Variants in SEL1L observed in about 807,000 individuals in gnomAD.
The protein encoded by SEL1L is protein sel-1 homolog 1.
In SEL1L, 52 loss-of-function variants were observed where a neutral mutation model predicts 109.8. The ratio of observed to expected loss-of-function variants is 0.47; its 90% CI spans 0.38 to 0.60. SEL1L has a LOEUF of 0.60. Ranked by LOEUF, SEL1L falls within the 20% of genes least tolerant of loss-of-function variation. The pLI, the probability that SEL1L is intolerant of heterozygous loss-of-function variation, is 0.00. For synonymous variants in SEL1L, 373 were observed against 339.6 expected (o/e 1.10, Z -1.08); for missense variants, 749 against 962.2 (o/e 0.78, Z 2.93).
intron 15 of SEL1L, 142 bp downstream of exon 15, chr14:81,487,713 A>G: frequency 6.7e-7 from 1 of 1,500,800 alleles, no homozygotes; most frequent in Non-Finnish European, 8.8e-7. Context: ...AATGAAAAAC[A>G]AGATGTACAA....
intron 3 of SEL1L, among the ~76,000 whole-genome samples, chr14:81,515,639 C>T (rs1884670690): frequency 1.3e-5 from 2 of 152,156 alleles, no homozygotes; most frequent in Non-Finnish European, 2.9e-5. Flanking sequence ...TGATGTCCAC[C>T]ATAACTCAGG....
At chr14:81,501,531 C>T (rs765288349) in intron 6 of SEL1L, among the ~76,000 whole-genome samples, 2 of 151,738 alleles carry the variant, frequency 1.3e-5, no homozygotes, top group Non-Finnish European at 2.9e-5. Context: ...AATAAAATAC[C>T]GAGGAAAGAG....
intron 19 of SEL1L, among the ~76,000 whole-genome samples, chr14:81,483,577 GC>G (rs1903425003): frequency 6.6e-6 from 1 of 152,070 alleles, no homozygotes; most frequent in East Asian, 1.9e-4. Context: ...TAAAAAACTT[GC>G]TTGTATATTT....
intron 1 of SEL1L, among the ~76,000 whole-genome samples, chr14:81,532,855 TTTTA>T (rs1332501701): frequency 2.0e-5 from 3 of 152,212 alleles, no homozygotes; most frequent in African/African-American, 7.2e-5. Flanking sequence ...CTGTACTAAT[TTTTA>T]TTTATCAACA....
Position 81,506,130 on chromosome 14 carries a change from A to G in SEL1L, c.452T>C (p.Leu151Pro). The G allele has an allele frequency of 3.1e-6, 5 of 1,614,082 alleles. No homozygotes were observed. Among genetic ancestry groups the G allele is most frequent in the South Asian group, 1.1e-5 (1 of 91,064 alleles). The change falls in exon 4 of 21, where the codon CTG (leucine) becomes CCG (proline). Residue 151 changes from leucine to proline, a missense_variant. By Grantham distance (98) the Leu-to-Pro change is moderately conservative (BLOSUM62 -3). Around this residue, in one of 2 missense-constraint regions of SEL1L, gnomAD observed 366 missense variants for 399.8 expected, o/e 0.92. Coordinates refer to ENST00000336735, the MANE Select transcript of SEL1L (RefSeq NM_005065.6). ...GTAGTCATAGGTTGTAGCACACCAC[A>G]GTCTGCCATCTTCCCTCCCATCTGA... ...CTSDGREDGRLWCATTYDYKA... is the reference protein window; with the variant it reads ...CTSDGREDGRPWCATTYDYKA...
At chr14:81,482,877 G>A (rs1351819427) in intron 19 of SEL1L, among the ~76,000 whole-genome samples, 1 of 152,186 alleles carries the variant, frequency 6.6e-6, no homozygotes, top group Non-Finnish European at 1.5e-5. Context: ...AAGTGACACA[G>A]GAAGGAGTAT....
rs1378879165 is a variant in SEL1L at position 81,477,127 on chromosome 14, C to A, written c.2230G>T (p.Asp744Tyr). The change falls in exon 21 of 21, where the codon GAC (aspartate) becomes TAC (tyrosine). Residue 744 changes from aspartate to tyrosine, a missense_variant. Physicochemically the swap from Asp to Tyr is radical, Grantham distance 160. Transcript: ENST00000336735. Reference sequence around the variant, plus strand: ...GCAATGATGGTCATGAGGTAAAGGTCCCACTCAGGTCCCAAAAGCTGGTCC... The same window carrying A: ...GCAATGATGGTCATGAGGTAAAGGTACCACTCAGGTCCCAAAAGCTGGTCC... ...DMDQLLGPEWDLYLMTIIALL... is the reference protein window; with the variant it reads ...DMDQLLGPEWYLYLMTIIALL... The A allele has an allele frequency of 6.2e-7, 1 of 1,613,982 alleles. No homozygotes were observed. Among genetic ancestry groups the A allele is most frequent in the Non-Finnish European group, 8.5e-7 (1 of 1,180,036 alleles).
At chr14:81,488,582 C>T (rs983855206) in intron 14 of SEL1L, among the ~76,000 whole-genome samples, 1 of 152,094 alleles carries the variant, frequency 6.6e-6, no homozygotes, top group African/African-American at 2.4e-5. Flanking sequence ...GAAACTGCAA[C>T]GTGAATCCAG....
In SEL1L at chr14:81,499,465, C is replaced by G. The variant is rs1230003756; in HGVS notation, c.885G>C (p.Met295Ile). Residue 295 changes from methionine to isoleucine, a missense_variant, in exon 8 of 21, where the codon ATG (methionine) becomes ATC (isoleucine). Physicochemically the swap from Met to Ile is conservative, Grantham distance 10. Around this residue, in one of 2 missense-constraint regions of SEL1L, gnomAD observed 366 missense variants for 399.8 expected, o/e 0.92. Coordinates refer to ENST00000336735, the MANE Select transcript of SEL1L (RefSeq NM_005065.6). ...GALGGNLIAH[M>I]VLGYRYWAGI... ...TCCACTAAAGTCTACTTACCAAAAC[C>G]ATGTGGGCTATTAGATTGCCCCCAA... 1 of 1,610,898 alleles carries G rather than the reference C, an allele frequency of 6.2e-7. No individual in the cohort carries two copies. The highest frequency in any genetic ancestry group is 1.7e-5 in the Admixed American group (1 of 59,436).
Position 81,533,848 on chromosome 14 carries a change from T to A in SEL1L, c.-104A>T. On this transcript the variant is annotated 5_prime_UTR_variant, in exon 1 of 21. Coordinates refer to ENST00000336735, the MANE Select transcript of SEL1L (RefSeq NM_005065.6). ...CTCGCCGCTGCTCTTCCTGCTCTAG[T>A]CTCCTTCCTCCGCCCCTTCCCAGGC... 4 of 1,198,210 alleles carry A rather than the reference T, an allele frequency of 3.3e-6. No homozygotes were observed. The South Asian group carries it at 3.9e-5, about 12-fold the overall frequency. 74.2% of individuals were successfully genotyped at this position (1,198,210 alleles called of 1,614,324 possible).
chr14:81,526,190 T>C (rs1170018066), intron 3 of SEL1L, among the ~76,000 whole-genome samples: 1 of 152,150 alleles, frequency 6.6e-6, no homozygotes, highest in African/African-American at 2.4e-5. Flanking sequence ...TTTAGAAGAC[T>C]ATTGTGAAAA....
At chr14:81,478,021 A>G (rs1470633956) in intron 20 of SEL1L, among the ~76,000 whole-genome samples, 1 of 152,258 alleles carries the variant, frequency 6.6e-6, no homozygotes, top group Non-Finnish European at 1.5e-5. Context: ...GGATTTAACT[A>G]AAACACAAAA....
chr14:81,516,595 AAC>A (rs1884710921), intron 3 of SEL1L, among the ~76,000 whole-genome samples: 1 of 152,202 alleles, frequency 6.6e-6, no homozygotes. Flanking sequence ...CCACCATTCT[AAC>A]TTATAAAAGT....
intron 3 of SEL1L, among the ~76,000 whole-genome samples, chr14:81,511,556 TAAA>T: frequency 6.6e-6 from 1 of 152,358 alleles, no homozygotes; most frequent in Non-Finnish European, 1.5e-5. Flanking sequence ...AATTTGCTTG[TAAA>T]ACCAAATCAA....
At chr14:81,513,580 G>A (rs1296352071) in intron 3 of SEL1L, among the ~76,000 whole-genome samples, 1 of 152,124 alleles carries the variant, frequency 6.6e-6, no homozygotes, top group Non-Finnish European at 1.5e-5. Flanking sequence ...CACCCACGAA[G>A]GGACAATCAG....
rs1229277082 is a variant in SEL1L, at chr14:81,477,098, C to A, written c.2259G>T (p.Leu753=). The A allele has an allele frequency of 1.1e-5, 18 of 1,614,032 alleles. No homozygotes were observed. Among genetic ancestry groups the A allele is most frequent in the Middle Eastern group, 3.3e-4 (2 of 6,084 alleles). ...WDLYLMTIIA[L]LLGTVIAYRQ... ...TGTAAGCTATGACTGTTCCCAACAG[C>A]AGCGCAATGATGGTCATGAGGTAAA... Residue 753 remains leucine, a synonymous_variant, in exon 21 of 21, where the codon CTG becomes CTT. Transcript: ENST00000336735.
At chr14:81,480,575 T>A (rs1192296105) in intron 19 of SEL1L, among the ~76,000 whole-genome samples, 1 of 151,968 alleles carries the variant, frequency 6.6e-6, no homozygotes, top group African/African-American at 2.4e-5. Flanking sequence ...CCAAATTAGC[T>A]GGGTGTGGTG....
chr14:81,529,848 A>G (rs138586928), intron 1 of SEL1L, among the ~76,000 whole-genome samples: 1 of 152,336 alleles, frequency 6.6e-6, no homozygotes, highest in Admixed American at 6.5e-5. Flanking sequence ...GGAACTTCTG[A>G]TAAGTAGTAT....
chr14:81,528,333 TC>T (rs1433194970), intron 1 of SEL1L, among the ~76,000 whole-genome samples: 3 of 152,184 alleles, frequency 2.0e-5, no homozygotes, highest in African/African-American at 7.2e-5. Flanking sequence ...CATGGTCCTA[TC>T]ATATATTCAC....
Sources: gnomAD v4.1 joint callset for allele counts (sites outside exome capture counted in the v4.1 genomes callset) on GRCh38, gnomAD v4.1.1 for gene constraint, gnomAD v4.1.1 regional missense constraint, MANE v1.5 for transcripts, NCBI Gene and HGNC (gene_info 2026-07-23, HGNC 2026-07-21) for gene names.